Variants in FAAH2 observed in about 807,000 individuals in gnomAD.
The protein encoded by FAAH2 is fatty acid amide hydrolase 2, also known as fatty-acid amide hydrolase 2.
FAAH2 carries 60 observed loss-of-function variants against 36.9 expected under a neutral mutation model. The observed-to-expected ratio is 1.63, with a 90% CI of 1.32 to 2.02. The LOEUF is 2.02. FAAH2 is among the 30% of genes most tolerant of loss of function. The probability of loss-of-function intolerance (pLI) is 0.00; values close to 1 mark genes in which losing one functional copy is unlikely to be tolerated. For synonymous variants in FAAH2, 214 were observed against 143.8 expected, an observed-to-expected ratio of 1.49 and a Z score of -3.49; for missense variants, 689 against 397.5, an observed-to-expected ratio of 1.73 and a Z score of -6.23.
rs1055544840 is a variant in FAAH2 at position 57,430,343 on chromosome X, C to T, written c.997-1575C>T. Reference sequence around the variant, plus strand: ...TTCTGATTATTTTTCCCTAATTCTTCCATGCCATAATTTATTTTGGGGAAA... The same window carrying T: ...TTCTGATTATTTTTCCCTAATTCTTTCATGCCATAATTTATTTTGGGGAAA... On this transcript the variant is annotated intron_variant, in intron 7 of 10. Transcript: ENST00000374900. Among the ~76,000 whole-genome samples the T allele has an allele frequency of 1.5e-4, 17 of 111,228 alleles. 1 individual carries two copies. The highest frequency in any genetic ancestry group is 3.8e-4 in the Admixed American group (4 of 10,421).
At chrX:57,401,324 G>A (rs1037302989) in intron 7 of FAAH2, among the ~76,000 whole-genome samples, 8 of 111,058 alleles carry the variant, frequency 7.2e-5, no homozygotes, top group Non-Finnish European at 1.5e-4. Flanking sequence ...AAACAGTCCA[G>A]GTGAGTTGAG....
intron 5 of FAAH2, among the ~76,000 whole-genome samples, chrX:57,360,117 C>G (rs150552804): frequency 9.1e-6 from 1 of 110,083 alleles, no homozygotes; most frequent in Non-Finnish European, 1.9e-5. Flanking sequence ...AAGATTCTCT[C>G]TTTATCTGTG....
intron 5 of FAAH2, among the ~76,000 whole-genome samples, chrX:57,343,702 G>A (rs1231970653): frequency 9.0e-6 from 1 of 111,691 alleles, no homozygotes; most frequent in Non-Finnish European, 1.9e-5. Context: ...CCAGTGTTGA[G>A]AAGGGTATCT....
chrX:57,451,451 G>C (rs1179022900), intron 10 of FAAH2, among the ~76,000 whole-genome samples: 1 of 112,015 alleles, frequency 8.9e-6, no homozygotes, highest in Non-Finnish European at 1.9e-5. Flanking sequence ...TGCTCTCAGG[G>C]AGCTCCTAGC....
chrX:57,202,991 G>A, the FAAH2 span, among the ~76,000 whole-genome samples: 3 of 111,932 alleles, frequency 2.7e-5, no homozygotes, highest in African/African-American at 9.7e-5. Context: ...TCTTTAGTCA[G>A]CTTGTGCTAA....
intron 7 of FAAH2, among the ~76,000 whole-genome samples, chrX:57,397,510 G>GT (rs1486595533): frequency 1.8e-5 from 2 of 110,691 alleles, no homozygotes; most frequent in East Asian, 5.7e-4. Flanking sequence ...AGTACTTTAC[G>GT]TTTTTTCATT....
chrX:57,405,383 T>C (rs756119822), intron 7 of FAAH2, among the ~76,000 whole-genome samples: 1 of 111,067 alleles, frequency 9.0e-6, no homozygotes, highest in Admixed American at 9.6e-5. Flanking sequence ...AAGAGAACCA[T>C]GGAACCCAGC....
At position 57,366,518 on chromosome X, in the gene FAAH2, C is replaced by T. The variant is rs191970525; in HGVS notation, c.743-12133C>T. On this transcript the variant is annotated intron_variant, in intron 5 of 10. Transcript: ENST00000374900. ...TGTGGTCATCCCCCACATGGGTGCA[C>T]GCCAGTGGGGCAGCAGGGGTCCCAA... Among the ~76,000 whole-genome samples, 437 of 112,433 alleles carry T rather than the reference C, an allele frequency of 3.9e-3. 2 individuals carry two copies. Among genetic ancestry groups the T allele is most frequent in the African/African-American group, 0.014 (420 of 30,958 alleles).
At chrX:57,274,343 G>A in the FAAH2 span, among the ~76,000 whole-genome samples, 2 of 112,050 alleles carry the variant, frequency 1.8e-5, no homozygotes, top group Non-Finnish European at 3.8e-5. Context: ...AAGAGGAGCT[G>A]CTACCATTCC....
intron 10 of FAAH2, among the ~76,000 whole-genome samples, chrX:57,476,517 T>G (rs2057271698): frequency 1.8e-5 from 2 of 111,644 alleles, no homozygotes; most frequent in Admixed American, 1.9e-4. Context: ...GAACCAGCCT[T>G]GCATCCCAGG....
the FAAH2 span, among the ~76,000 whole-genome samples, chrX:57,133,989 A>C: frequency 1.8e-5 from 2 of 111,340 alleles, no homozygotes; most frequent in Non-Finnish European, 3.8e-5. Context: ...CCTGGGCAGC[A>C]GGGCGTCACC....
chrX:57,175,116 G>A, the FAAH2 span, among the ~76,000 whole-genome samples: 1 of 111,531 alleles, frequency 9.0e-6, no homozygotes, highest in Admixed American at 9.5e-5. Context: ...TTTAAGTTTA[G>A]TCCTTCTTCA....
At chrX:57,294,869 A>G (rs1414717302) in intron 2 of FAAH2, among the ~76,000 whole-genome samples, 3 of 111,517 alleles carry the variant, frequency 2.7e-5, no homozygotes, top group African/African-American at 9.8e-5. Flanking sequence ...CCCAGAAACC[A>G]CACTATTTTA....
the FAAH2 span, among the ~76,000 whole-genome samples, chrX:57,228,344 C>T: frequency 6.3e-5 from 7 of 111,146 alleles, no homozygotes; most frequent in African/African-American, 2.3e-4. Flanking sequence ...CCCTGTGTTT[C>T]GCTGGGTTTG....
At chrX:57,475,849 T>C (rs1346473460) in intron 10 of FAAH2, among the ~76,000 whole-genome samples, 3 of 112,059 alleles carry the variant, frequency 2.7e-5, no homozygotes, top group African/African-American at 9.7e-5. Context: ...TCCATTTGTT[T>C]ATGTCCTTTC....
chrX:57,466,463 G>C (rs959460987), intron 10 of FAAH2, among the ~76,000 whole-genome samples: 2 of 46,972 alleles, frequency 4.3e-5, no homozygotes, highest in South Asian at 2.3e-3. Context: ...TATAACAAAA[G>C]TATGTAAAAG....
chrX:57,403,942 G>A (rs934761027), intron 7 of FAAH2, among the ~76,000 whole-genome samples: 11 of 112,783 alleles, frequency 9.8e-5, no homozygotes, highest in African/African-American at 2.9e-4. Flanking sequence ...TTTTAAGTTA[G>A]TAAGCTACCT....
chrX:57,449,809 G>A (rs1211369202), intron 10 of FAAH2, among the ~76,000 whole-genome samples: 1 of 111,085 alleles, frequency 9.0e-6, no homozygotes, highest in East Asian at 2.8e-4. Flanking sequence ...TGGGATTACA[G>A]GAGTGTGCCA....
Position 57,456,087 on chromosome X carries a change from A to T in FAAH2, c.1423+7369A>T, listed in dbSNP as rs769365117. Among the ~76,000 whole-genome samples, 3 of 112,041 alleles carry T rather than the reference A, an allele frequency of 2.7e-5. No homozygotes were observed. In the East Asian group the frequency reaches 8.4e-4, roughly 31 times the overall value. On this transcript the variant is annotated intron_variant, in intron 10 of 10. Coordinates refer to ENST00000374900, the MANE Select transcript of FAAH2 (RefSeq NM_174912.4). ...AATCACAATAAATTCAAAGAAATCA[A>T]AACCATACCAAGCAAACTCTCAGAC...
Sources: gnomAD v4.1 joint callset for allele counts (sites outside exome capture counted in the v4.1 genomes callset) on GRCh38, gnomAD v4.1.1 for gene constraint, MANE v1.5 for transcripts, NCBI Gene and HGNC (gene_info 2026-07-23, HGNC 2026-07-21) for gene names.